VAV3: variants seen among roughly 807,000 people sequenced by gnomAD.
VAV3 encodes vav guanine nucleotide exchange factor 3, also known as guanine nucleotide exchange factor VAV3.
Under a neutral mutation model 131.2 loss-of-function variants are expected in VAV3, and 94 were observed. The ratio of observed to expected loss-of-function variants is 0.72; its 90% CI spans 0.61 to 0.85. VAV3 has a LOEUF of 0.85. Ranked by LOEUF, VAV3 falls within the 40% of genes least tolerant of loss-of-function variation. VAV3 has a pLI of 0.00. For synonymous variants in VAV3, 349 were observed against 342.0 expected, an observed-to-expected ratio of 1.02 and a Z score of -0.22; for missense variants, 939 against 1,002.7, an observed-to-expected ratio of 0.94 and a Z score of 0.86.
chr1:107,665,812 G>T (rs1421961782), intron 19 of VAV3, among the ~76,000 whole-genome samples: 1 of 152,110 alleles, frequency 6.6e-6, no homozygotes, highest in African/African-American at 2.4e-5. Flanking sequence ...CTACTAGGTC[G>T]TCTCCTGGTT....
intron 1 of VAV3, among the ~76,000 whole-genome samples, chr1:107,949,733 T>G (rs1003299397): frequency 5.9e-5 from 9 of 152,198 alleles, no homozygotes; most frequent in African/African-American, 2.2e-4. Flanking sequence ...CCAAAGTACA[T>G]GTACACACAC....
intron 11 of VAV3, among the ~76,000 whole-genome samples, chr1:107,755,795 T>A (rs1299650289): frequency 6.6e-6 from 1 of 151,806 alleles, no homozygotes; most frequent in South Asian, 2.1e-4. Context: ...TATACCACAA[T>A]AGAGCAACAA....
At chr1:107,941,167 G>A (rs561622574) in intron 1 of VAV3, among the ~76,000 whole-genome samples, 14 of 152,212 alleles carry the variant, frequency 9.2e-5, no homozygotes, top group African/African-American at 2.9e-4. Flanking sequence ...GGTGGCAACC[G>A]TAGTCCCTCC....
rs1570788059 is a variant in VAV3, at chr1:107,704,997, G to A, written c.1567C>T (p.Arg523Ter). 5.6e-6 allele frequency: 9 copies of A among 1,613,798 alleles called. No homozygotes were observed. Among genetic ancestry groups the A allele is most frequent in the Non-Finnish European group, 7.6e-6 (9 of 1,179,924 alleles). The change falls in exon 16 of 27, where the codon CGA becomes TGA. Residue 523 changes from arginine to a stop codon, truncating the protein, a stop_gained. Transcript: ENST00000370056. LOFTEE classifies it high-confidence loss of function. ...TGGCAGACTTTGCAGGATGTGACTC[G>A]AGTGAAGGTATGCATCTTGAAGTCG... ...FHDFKMHTFT[R>*]VTSCKVCQML...
intron 1 of VAV3, among the ~76,000 whole-genome samples, chr1:107,925,971 T>C (rs1673140003): frequency 6.6e-6 from 1 of 151,784 alleles, no homozygotes; most frequent in Admixed American, 6.6e-5. Flanking sequence ...TAAAAACTAA[T>C]GTAAAAAATT....
At chr1:107,950,655 G>A (rs923952793) in intron 1 of VAV3, among the ~76,000 whole-genome samples, 3 of 152,216 alleles carry the variant, frequency 2.0e-5, no homozygotes, top group African/African-American at 7.2e-5. Flanking sequence ...CAAAGCCTGA[G>A]AAGGAGGGTG....
rs1669800430 is a variant in VAV3, at chr1:107,862,779, G to A, written c.321+12122C>T. 1.3e-5 allele frequency: 2 copies of A among 151,882 alleles called. 1 individual carries two copies. The highest frequency in any genetic ancestry group is 4.2e-4 in the South Asian group (2 of 4,778). The allele number at this position is 151,882 out of a possible 1,614,324, so 9.4% of individuals were successfully genotyped here. A position where few individuals can be genotyped will look rare whatever the true frequency, so the allele number is the denominator to read the frequency against. ...GCTAGGAATTAGAATACGTGCATTA[G>A]TGAGCATATATGTGCCATAGCCTTG... On this transcript the variant is annotated intron_variant, in intron 2 of 26. Coordinates refer to ENST00000370056, the MANE Select transcript of VAV3 (RefSeq NM_006113.5).
chr1:107,622,667 A>G (rs1653696601), intron 20 of VAV3, among the ~76,000 whole-genome samples: 1 of 152,212 alleles, frequency 6.6e-6, no homozygotes, highest in Non-Finnish European at 1.5e-5. Context: ...CCAAGTTACA[A>G]TGCCCTAAAC....
chr1:107,927,084 C>G (rs1451375713), intron 1 of VAV3, among the ~76,000 whole-genome samples: 1 of 152,174 alleles, frequency 6.6e-6, no homozygotes, highest in Non-Finnish European at 1.5e-5. Flanking sequence ...TAAAGACGAC[C>G]TTGTCTTGCA....
chr1:107,931,292 G>A (rs981253774), intron 1 of VAV3, among the ~76,000 whole-genome samples: 1 of 152,106 alleles, frequency 6.6e-6, no homozygotes, highest in East Asian at 1.9e-4. Context: ...AGCGTGTAAG[G>A]ACAAAAACAG....
Position 107,704,960 on chromosome 1 carries a change from C to G in VAV3, c.1604G>C (p.Arg535Thr). Residue 535 changes from arginine to threonine, a missense_variant and splice_region_variant, in exon 16 of 27, where the codon AGG becomes ACG. Physicochemically the swap from Arg to Thr is moderately conservative, Grantham distance 71 (BLOSUM62 -1). Transcript: ENST00000370056. Reference sequence around the variant, plus strand: ...GAAAACCAGGACTGAGCAGGCTTACCTCAGGAGCATCTGGCAGACTTTGCA... The same window carrying G: ...GAAAACCAGGACTGAGCAGGCTTACGTCAGGAGCATCTGGCAGACTTTGCA... The part of the protein sequence containing the change: ...TSCKVCQMLL[R>T]GTFYQGYLCF... 6.2e-7 allele frequency: 1 copy of G among 1,613,456 alleles called. No individual in the cohort carries two copies. Among genetic ancestry groups the G allele is most frequent in the Non-Finnish European group, 8.5e-7 (1 of 1,179,600 alleles).
At chr1:107,697,746 T>C (rs892418912) in intron 17 of VAV3, among the ~76,000 whole-genome samples, 4 of 152,144 alleles carry the variant, frequency 2.6e-5, no homozygotes, top group Non-Finnish European at 5.9e-5. Context: ...AGAGTTTCCA[T>C]GGGAAGAAGG....
At chr1:107,677,802 CCA>C (rs938613005) in intron 19 of VAV3, 4 of 152,166 alleles carry the variant, frequency 2.6e-5, no homozygotes, top group Admixed American at 1.3e-4. Context: ...ATGCACATCT[CCA>C]GATATTCACC....
chr1:107,947,448 G>A (rs1674323188), intron 1 of VAV3, among the ~76,000 whole-genome samples: 1 of 152,186 alleles, frequency 6.6e-6, no homozygotes, highest in Non-Finnish European at 1.5e-5. Context: ...TCAGAGGATG[G>A]TGTGGGACAG....
intron 1 of VAV3, among the ~76,000 whole-genome samples, chr1:107,949,599 A>G (rs999005068): frequency 1.3e-5 from 2 of 152,132 alleles, no homozygotes; most frequent in African/African-American, 4.8e-5. Context: ...GAACATTATC[A>G]TCTTAAACAG....
intron 17 of VAV3, among the ~76,000 whole-genome samples, chr1:107,699,481 C>A (rs1659958329): frequency 6.6e-6 from 1 of 152,212 alleles, no homozygotes; most frequent in Admixed American, 6.5e-5. Context: ...GTTTTCCAGG[C>A]ACAGTGCAAA....
intron 1 of VAV3, among the ~76,000 whole-genome samples, chr1:107,910,638 T>C (rs1462039165): frequency 5.3e-5 from 8 of 152,194 alleles, no homozygotes; most frequent in Middle Eastern, 3.2e-3. Flanking sequence ...ACTAATAACA[T>C]AAGGTTTTCT....
At chr1:107,963,375 T>A (rs1006595688) in intron 1 of VAV3, 3 of 152,138 alleles carry the variant, frequency 2.0e-5, no homozygotes, top group African/African-American at 7.2e-5. Flanking sequence ...TACCGAGAGG[T>A]AGCAATCACC....
At chr1:107,876,870 A>G (rs997508451) in intron 1 of VAV3, among the ~76,000 whole-genome samples, 3 of 152,218 alleles carry the variant, frequency 2.0e-5, no homozygotes, top group African/African-American at 4.8e-5. Context: ...TGAGCAACGT[A>G]TTAGCTAATT....
Sources: gnomAD v4.1 joint callset for allele counts (sites outside exome capture counted in the v4.1 genomes callset) on GRCh38, gnomAD v4.1.1 for gene constraint, MANE v1.5 for transcripts, NCBI Gene and HGNC (gene_info 2026-07-23, HGNC 2026-07-21) for gene names.